GAL3ST2: variants seen among roughly 807,000 people sequenced by gnomAD.
GAL3ST2 encodes the protein beta-galactose-3-O-sulfotransferase 2.
Under a neutral mutation model 12.9 loss-of-function variants are expected in GAL3ST2, and 16 were observed. That is an observed-to-expected ratio of 1.24 (90% CI 0.84 to 1.88). The LOEUF (loss-of-function observed/expected upper bound fraction) is 1.88, where lower values mean the gene tolerates loss of function less well. Among genes scored for constraint, GAL3ST2 ranks in the 40% most tolerant of loss-of-function variants. The pLI is 0.00. For missense variants in GAL3ST2, 639 were observed against 571.8 expected, an observed-to-expected ratio of 1.12 and a Z score of -1.20; for synonymous variants, 302 against 273.9, an observed-to-expected ratio of 1.10 and a Z score of -1.01.
chr2:241,796,787 G>C (rs940140886), intron 1 of GAL3ST2, among the ~76,000 whole-genome samples: 3 of 152,110 alleles, frequency 2.0e-5, no homozygotes, highest in Non-Finnish European at 2.9e-5. Context: ...TGGTTCCCGT[G>C]GGGGGCTGGG....
At chr2:241,789,157 T>A (rs1483002726) in intron 1 of GAL3ST2, among the ~76,000 whole-genome samples, 1 of 152,222 alleles carries the variant, frequency 6.6e-6, no homozygotes, top group African/African-American at 2.4e-5. Flanking sequence ...TCTGCCTGCT[T>A]TAAATCTGCT....
Position 241,801,279 on chromosome 2 carries a change from A to G in GAL3ST2, c.120-502A>G, listed in dbSNP as rs1699840631. ...TTTCCAGCTTCATCCATGTCCCTGC[A>G]AAGGACATGAACTCATTCTTTTTTA... On this transcript the variant is annotated intron_variant, in intron 2 of 3. Coordinates refer to ENST00000192314, the MANE Select transcript of GAL3ST2 (RefSeq NM_022134.3). The surrounding 1 kb of genome is among the most constrained non-coding windows in gnomAD (Gnocchi z 4.4). The G allele has an allele frequency of 6.4e-6, 1 of 157,096 alleles. No homozygotes were observed. The highest frequency in any genetic ancestry group is 2.4e-5 in the African/African-American group (1 of 41,512). 9.7% of individuals were successfully genotyped at this position (157,096 alleles called of 1,614,324 possible).
chr2:241,779,188 C>T (rs564566470), intron 1 of GAL3ST2, among the ~76,000 whole-genome samples: 9 of 135,786 alleles, frequency 6.6e-5, no homozygotes, highest in African/African-American at 2.4e-4. Flanking sequence ...TCTAGACGGG[C>T]AGGTCCTGAG....
intron 1 of GAL3ST2, among the ~76,000 whole-genome samples, chr2:241,777,831 G>A (rs1228763210): frequency 3.3e-5 from 5 of 152,140 alleles, no homozygotes; most frequent in African/African-American, 1.2e-4. Flanking sequence ...GGGGAATCAG[G>A]CTCACTTGAT....
chr2:241,785,552 C>CA (rs80247515), intron 1 of GAL3ST2, among the ~76,000 whole-genome samples: 990 of 72,518 alleles, frequency 0.014, 17 homozygotes, highest in African/African-American at 0.037. Context: ...AACTCCGTCT[C>CA]AAAAAAAAAA....
chr2:241,797,355 G>C (rs959345650), intron 1 of GAL3ST2, among the ~76,000 whole-genome samples: 1 of 152,162 alleles, frequency 6.6e-6, no homozygotes, highest in Non-Finnish European at 1.5e-5. Context: ...GTTCGTTATC[G>C]TGACTGTTTA....
In GAL3ST2 at chr2:241,802,950, C is replaced by A. The variant is rs1258348882; in HGVS notation, c.376-395C>A. ...GGCAGCTGGTGGAGTGCTGAAGCCC[C>A]CTGTGCCAGGGGCCCGTGGAGGGCC... On this transcript the variant is annotated intron_variant, in intron 3 of 3. Transcript: ENST00000192314. This position sits in a 1 kb window ranked among gnomAD's most constrained non-coding sequence, Gnocchi z 4.8. Among the ~76,000 whole-genome samples the A allele has an allele frequency of 1.3e-5, 2 of 151,656 alleles. No individual in the cohort carries two copies. The highest frequency in any genetic ancestry group is 4.8e-5 in the African/African-American group (2 of 41,278).
chr2:241,791,309 A>T (rs982326428), intron 1 of GAL3ST2, among the ~76,000 whole-genome samples: 1 of 152,250 alleles, frequency 6.6e-6, no homozygotes, highest in African/African-American at 2.4e-5. Context: ...AGTTATTTGT[A>T]TAAGTGCAAT....
chr2:241,779,933 C>T lies in GAL3ST2; in HGVS notation c.29+2949C>T, dbSNP rs186347736. ...CCTGGGAAGCGGAGGTTGCGGTGAG[C>T]CGAGATCGTGCCATTGCACTCCAGC... On this transcript the variant is annotated intron_variant, in intron 1 of 3. Coordinates refer to ENST00000192314, the MANE Select transcript of GAL3ST2 (RefSeq NM_022134.3). 4.6e-5 allele frequency among the ~76,000 whole-genome samples: 7 copies of T among 151,814 alleles called. No individual in the cohort carries two copies. The East Asian group carries it at 1.2e-3, about 25-fold the overall frequency.
intron 1 of GAL3ST2, among the ~76,000 whole-genome samples, chr2:241,794,828 G>C (rs1051505758): frequency 1.3e-5 from 2 of 152,142 alleles, no homozygotes; most frequent in African/African-American, 4.8e-5. Context: ...ATGTCAAATG[G>C]TTTATAATTT....
intron 1 of GAL3ST2, among the ~76,000 whole-genome samples, chr2:241,794,824 A>G (rs556051466): frequency 2.2e-4 from 34 of 152,340 alleles, no homozygotes; most frequent in African/African-American, 7.5e-4. Flanking sequence ...AGCAATGTCA[A>G]ATGGTTTATA....
In GAL3ST2 at chr2:241,787,281, G is replaced by A. The variant is rs548590232; in HGVS notation, c.29+10297G>A. 1.2e-4 allele frequency among the ~76,000 whole-genome samples: 18 copies of A among 152,238 alleles called. No individual in the cohort carries two copies. In the East Asian group the frequency reaches 3.5e-3, roughly 29 times the overall value. On this transcript the variant is annotated intron_variant, in intron 1 of 3. Transcript: ENST00000192314. Reference sequence around the variant, plus strand: ...GACTTCCTGAGGCTGGCAAACAAATGCGCATCGTCAACCTTGGCGCAATAA... The same window carrying A: ...GACTTCCTGAGGCTGGCAAACAAATACGCATCGTCAACCTTGGCGCAATAA...
chr2:241,789,092 T>C (rs1325401749), intron 1 of GAL3ST2, among the ~76,000 whole-genome samples: 1 of 152,192 alleles, frequency 6.6e-6, no homozygotes, highest in Non-Finnish European at 1.5e-5. Context: ...AAAAGAGCCC[T>C]AACGTCGACC....
rs769102268 is a variant in GAL3ST2, at chr2:241,803,953, C to G, written c.984C>G (p.Leu328=). Residue 328 remains leucine (L), a synonymous_variant, in exon 4 of 4, where the codon CTC becomes CTG. Transcript: ENST00000192314. The part of the protein sequence containing the change: ...ASLCLQDGGA[L]KNHTQIRDPR... ...TGTGCCTGCAGGACGGCGGCGCGCT[C>G]AAGAACCACACGCAGATCAGAGACC... The G allele has an allele frequency of 6.7e-7, 1 of 1,490,166 alleles. No individual in the cohort carries two copies. Among genetic ancestry groups the G allele is most frequent in the South Asian group, 1.3e-5 (1 of 74,652 alleles). The allele number at this position is 1,490,166 out of a possible 1,614,324, so 92.3% of individuals were successfully genotyped here. A position where few individuals can be genotyped will look rare whatever the true frequency, so the allele number is the denominator to read the frequency against.
At chr2:241,782,583 C>T (rs899593053) in intron 1 of GAL3ST2, among the ~76,000 whole-genome samples, 1 of 152,164 alleles carries the variant, frequency 6.6e-6, no homozygotes, top group Non-Finnish European at 1.5e-5. Flanking sequence ...GTCTTGGCCT[C>T]CCAAAGTGCT....
chr2:241,790,890 G>T (rs1435881237), intron 1 of GAL3ST2, among the ~76,000 whole-genome samples: 1 of 152,108 alleles, frequency 6.6e-6, no homozygotes, highest in African/African-American at 2.4e-5. Flanking sequence ...ATAAAACTTG[G>T]TCTCCACAAT....
In GAL3ST2 at chr2:241,800,215, G is replaced by T. The variant is rs1416480421; in HGVS notation, c.119+1061G>T. Among the ~76,000 whole-genome samples, 1 of 152,070 alleles carries T rather than the reference G, an allele frequency of 6.6e-6. No homozygotes were observed. Among genetic ancestry groups the T allele is most frequent in the Admixed American group, 6.6e-5 (1 of 15,262 alleles). On this transcript the variant is annotated intron_variant, in intron 2 of 3. Coordinates refer to ENST00000192314, the MANE Select transcript of GAL3ST2 (RefSeq NM_022134.3). This position sits in a 1 kb window ranked among gnomAD's most constrained non-coding sequence, Gnocchi z 5.2. Reference sequence around the variant, plus strand: ...GTCTGGTGGGGGTTCCAGGGTTGGGGGTGTCAACTGAAGAATCATGACATC... The same window carrying T: ...GTCTGGTGGGGGTTCCAGGGTTGGGTGTGTCAACTGAAGAATCATGACATC...
Position 241,776,823 on chromosome 2 carries a change from G to C in GAL3ST2, c.-133G>C, listed in dbSNP as rs1699493445. 1 of 661,892 alleles carries C rather than the reference G, an allele frequency of 1.5e-6. No homozygotes were observed. The highest frequency in any genetic ancestry group is 2.2e-6 in the Non-Finnish European group (1 of 447,362). The allele number at this position is 661,892 out of a possible 1,614,324, so 41.0% of individuals were successfully genotyped here. A position where few individuals can be genotyped will look rare whatever the true frequency, so the allele number is the denominator to read the frequency against. ...GGCAGGTGAGCTTCTGGGGATTCCAGTTCACCTGCCCCACAGCCGCACCCT... is the reference window on the plus strand; with the variant it reads ...GGCAGGTGAGCTTCTGGGGATTCCACTTCACCTGCCCCACAGCCGCACCCT... On this transcript the variant is annotated 5_prime_UTR_variant, in exon 1 of 4. Coordinates refer to ENST00000192314, the MANE Select transcript of GAL3ST2 (RefSeq NM_022134.3).
chr2:241,793,626 ATTGTGT>A lies in GAL3ST2; in HGVS notation c.30-5432_30-5427del, dbSNP rs1236230155. On this transcript the variant is annotated intron_variant, in intron 1 of 3. Coordinates refer to ENST00000192314, the MANE Select transcript of GAL3ST2 (RefSeq NM_022134.3). This position sits in a 1 kb window ranked among gnomAD's most constrained non-coding sequence, Gnocchi z 4.7. ...ATGTGTGTGTATTGTGTGTGTACATATTGTGTTTGTGTGTACATATTGTGTATGCAT... is the reference window on the plus strand; with the variant it reads ...ATGTGTGTGTATTGTGTGTGTACATATTGTGTGTACATATTGTGTATGCAT... 4.0e-4 allele frequency among the ~76,000 whole-genome samples: 46 copies of A among 113,970 alleles called. No individual in the cohort carries two copies. Among genetic ancestry groups the A allele is most frequent in the African/African-American group, 1.7e-3 (30 of 17,596 alleles). 74.8% of individuals were successfully genotyped at this position (113,970 alleles called of 152,430 possible). A position where few individuals can be genotyped will look rare whatever the true frequency, so the allele number is the denominator to read the frequency against.
Sources: gnomAD v4.1 joint callset for allele counts (sites outside exome capture counted in the v4.1 genomes callset) on GRCh38, gnomAD v4.1.1 for gene constraint, Gnocchi (gnomAD v3.1) non-coding constraint, MANE v1.5 for transcripts, NCBI Gene and HGNC (gene_info 2026-07-23, HGNC 2026-07-21) for gene names.